The following NR6A1 variants were observed in gnomAD, a reference collection of about 807,000 sequenced individuals.
NR6A1 encodes retinoic acid receptor-related testis-associated receptor.
NR6A1 carries 7 observed loss-of-function variants against 59.1 expected under a neutral mutation model. The ratio of observed to expected loss-of-function variants is 0.12; its 90% CI spans 0.07 to 0.22. The LOEUF (loss-of-function observed/expected upper bound fraction) is 0.22. Among genes scored for constraint, NR6A1 ranks in the 10% least tolerant of loss-of-function variants. The pLI, the probability that NR6A1 is intolerant of heterozygous loss-of-function variation, is 1.00. For missense variants in NR6A1, 468 were observed against 611.6 expected (o/e 0.77, Z 2.48); for synonymous variants, 243 against 236.1 (o/e 1.03, Z -0.27).
intron 2 of NR6A1, among the ~76,000 whole-genome samples, chr9:124,658,924 C>T (rs1284515145): frequency 1.3e-5 from 2 of 152,128 alleles, no homozygotes; most frequent in Admixed American, 1.3e-4. Flanking sequence ...CATCCCATAA[C>T]GCAGCTGGAG....
intron 3 of NR6A1, among the ~76,000 whole-genome samples, chr9:124,553,234 T>G (rs765673637): frequency 1.3e-5 from 2 of 152,152 alleles, no homozygotes; most frequent in Non-Finnish European, 2.9e-5. Context: ...CTCTCCACTC[T>G]CCATGGGAAT....
rs561839046 is a variant in NR6A1, at chr9:124,644,842, A to C, written c.142+88466T>G. Among the ~76,000 whole-genome samples, 91 of 152,328 alleles carry C rather than the reference A, an allele frequency of 6.0e-4. 1 individual carries two copies. The South Asian group carries it at 0.018, about 31-fold the overall frequency. ...CCAAAGCAAATTAGCATTGGAACTGACCTGAGGCATCTACATACAACGACT... is the reference window on the plus strand; with the variant it reads ...CCAAAGCAAATTAGCATTGGAACTGCCCTGAGGCATCTACATACAACGACT... On this transcript the variant is annotated intron_variant, in intron 2 of 9. Transcript: ENST00000487099.
intron 2 of NR6A1, among the ~76,000 whole-genome samples, chr9:124,628,779 T>C (rs763928596): frequency 6.6e-6 from 1 of 152,160 alleles, no homozygotes; most frequent in Non-Finnish European, 1.5e-5. Context: ...TAGCTGGGAC[T>C]AGAGGCACAC....
chr9:124,526,654 AC>A, intron 8 of NR6A1, 124 bp downstream of exon 8: 1 of 1,408,002 alleles, frequency 7.1e-7, no homozygotes, highest in South Asian at 1.3e-5. Context: ...CTGGATTGAA[AC>A]CCAGATGGTG....
intron 2 of NR6A1, among the ~76,000 whole-genome samples, chr9:124,716,358 T>C (rs1839417642): frequency 6.6e-6 from 1 of 152,210 alleles, no homozygotes; most frequent in Admixed American, 6.5e-5. Context: ...GCTAAAATAA[T>C]ACTGTTTCTA....
chr9:124,716,935 C>A (rs895425203), intron 2 of NR6A1, among the ~76,000 whole-genome samples: 1 of 152,170 alleles, frequency 6.6e-6, no homozygotes, highest in African/African-American at 2.4e-5. Context: ...CTGCACTCAG[C>A]CACATGAATT....
intron 2 of NR6A1, among the ~76,000 whole-genome samples, chr9:124,673,521 C>T (rs1441144401): frequency 6.6e-6 from 1 of 152,076 alleles, no homozygotes; most frequent in Non-Finnish European, 1.5e-5. Context: ...GTGGCATGTG[C>T]CTGCAGTCCT....
chr9:124,697,166 A>T (rs921301275), intron 2 of NR6A1, among the ~76,000 whole-genome samples: 40 of 152,360 alleles, frequency 2.6e-4, no homozygotes, highest in African/African-American at 9.1e-4. Context: ...TTTGGAACAG[A>T]TATCAGAACA....
intron 2 of NR6A1, among the ~76,000 whole-genome samples, chr9:124,626,004 CTTTATTCA>C (rs1441308556): frequency 6.6e-6 from 1 of 152,116 alleles, no homozygotes; most frequent in African/African-American, 2.4e-5. Flanking sequence ...GATTCTGTGT[CTTTATTCA>C]TTTATTTATT....
At position 124,692,591 on chromosome 9, in the gene NR6A1, T is replaced by C. The variant is rs375449029; in HGVS notation, c.142+40717A>G. On this transcript the variant is annotated intron_variant, in intron 2 of 9. Coordinates refer to ENST00000487099, the MANE Select transcript of NR6A1 (RefSeq NM_033334.4). ...TTTCCTGAAGCAAAAGAGCAAGCTG[T>C]ACCTTCACATGTCACATGAGTTCAC... 230 of 425,206 alleles carry C rather than the reference T, an allele frequency of 5.4e-4. 2 individuals are homozygous for C. Among genetic ancestry groups the C allele is most frequent in the African/African-American group, 3.8e-3 (187 of 49,696 alleles). The allele number at this position is 425,206 out of a possible 1,614,324, so 26.3% of individuals were successfully genotyped here.
At chr9:124,605,588 C>A (rs1033784585) in intron 2 of NR6A1, among the ~76,000 whole-genome samples, 1 of 152,026 alleles carries the variant, frequency 6.6e-6, no homozygotes, top group African/African-American at 2.4e-5. Flanking sequence ...CCTCAAAAAA[C>A]AAAAACAAAA....
At chr9:124,659,003 A>G (rs1309462002) in intron 2 of NR6A1, among the ~76,000 whole-genome samples, 1 of 152,170 alleles carries the variant, frequency 6.6e-6, no homozygotes, top group Non-Finnish European at 1.5e-5. Flanking sequence ...TAGATAATTA[A>G]TTTTTTTGTT....
chr9:124,725,222 C>T (rs534418292), intron 2 of NR6A1, among the ~76,000 whole-genome samples: 4 of 152,070 alleles, frequency 2.6e-5, no homozygotes, highest in Non-Finnish European at 5.9e-5. Context: ...CTAGCTTATG[C>T]TAATGGACAT....
chr9:124,603,745 T>C (rs1232165083), intron 2 of NR6A1, among the ~76,000 whole-genome samples: 2 of 152,166 alleles, frequency 1.3e-5, no homozygotes, highest in Non-Finnish European at 2.9e-5. Context: ...AAGGAGCTGC[T>C]TCAGAAAGCA....
intron 6 of NR6A1, 87 bp from the exon 7 acceptor site, chr9:124,536,219 A>C: frequency 1.4e-6 from 2 of 1,461,532 alleles, no homozygotes; most frequent in Non-Finnish European, 1.9e-6. Context: ...CAAGGGCACA[A>C]AGGGACCCTG....
intron 2 of NR6A1, among the ~76,000 whole-genome samples, chr9:124,726,759 T>C (rs561738608): frequency 2.0e-5 from 3 of 152,238 alleles, no homozygotes; most frequent in Admixed American, 6.5e-5. Context: ...TAAAGCCTAG[T>C]TGAGAAAAAC....
intron 8 of NR6A1, among the ~76,000 whole-genome samples, chr9:124,526,228 C>A (rs1412940179): frequency 6.6e-6 from 1 of 152,160 alleles, no homozygotes. Context: ...TAAGATACCA[C>A]ATAAATCACA....
At chr9:124,620,931 T>C (rs1009243742) in intron 2 of NR6A1, among the ~76,000 whole-genome samples, 2 of 152,166 alleles carry the variant, frequency 1.3e-5, no homozygotes, top group African/African-American at 4.8e-5. Context: ...TCCTCCTAAC[T>C]ATCATGTGAG....
At chr9:124,690,190 C>T (rs879918445) in intron 2 of NR6A1, among the ~76,000 whole-genome samples, 2 of 152,182 alleles carry the variant, frequency 1.3e-5, no homozygotes, top group Non-Finnish European at 2.9e-5. Flanking sequence ...GACGATGACT[C>T]CTCTTCTATT....
Sources: allele counts gnomAD v4.1 joint callset (sites outside exome capture counted in the v4.1 genomes callset), GRCh38; gene constraint gnomAD v4.1.1; transcripts MANE v1.5; gene names NCBI Gene and HGNC (gene_info 2026-07-23, HGNC 2026-07-21).